SYCP2L: variants seen among roughly 807,000 people sequenced by gnomAD.
SYCP2L encodes the protein synaptonemal complex protein 2-like.
A neutral mutation model predicts 125.8 loss-of-function variants in SYCP2L; 98 were observed. The observed-to-expected ratio is 0.78, with a 90% confidence interval of 0.66 to 0.92. The LOEUF (loss-of-function observed/expected upper bound fraction) is 0.92. Among genes scored for constraint, SYCP2L ranks in the 40% least tolerant of loss-of-function variants. The pLI, the probability that SYCP2L is intolerant of heterozygous loss-of-function variation, is 0.00. For missense variants in SYCP2L, 842 were observed against 936.4 expected (o/e 0.90, Z 1.32); for synonymous variants, 317 against 325.4 (o/e 0.97, Z 0.28).
At chr6:10,952,822 C>T (rs967105541) in intron 23 of SYCP2L, among the ~76,000 whole-genome samples, 1 of 152,050 alleles carries the variant, frequency 6.6e-6, no homozygotes, top group African/African-American at 2.4e-5. Context: ...AATCTTTGCC[C>T]TTGAAATGAC....
intron 26 of SYCP2L, 32 bp downstream of exon 26, chr6:10,958,907 A>C: frequency 1.3e-6 from 2 of 1,588,226 alleles, no homozygotes; most frequent in South Asian, 2.2e-5. Context: ...AAGGTCGTGG[A>C]AGTGTGATCA....
intron 23 of SYCP2L, among the ~76,000 whole-genome samples, chr6:10,946,333 T>C (rs1473201882): frequency 2.0e-5 from 3 of 152,136 alleles, no homozygotes; most frequent in Non-Finnish European, 4.4e-5. Context: ...TACTTTTCCA[T>C]AACGTGTAAA....
At chr6:10,889,706 C>T (rs1007934938) in intron 1 of SYCP2L, among the ~76,000 whole-genome samples, 17 of 151,230 alleles carry the variant, frequency 1.1e-4, no homozygotes, top group African/African-American at 2.2e-4. Context: ...TTGCAACCTC[C>T]GCGTCCCGGG....
chr6:10,947,667 C>T (rs75547558), intron 23 of SYCP2L, among the ~76,000 whole-genome samples: 3,211 of 152,050 alleles, frequency 0.021, 146 homozygotes, highest in East Asian at 0.2. Context: ...CTTAGTTATC[C>T]TAAGTAGATG....
chr6:10,891,644 T>TATATGA, intron 2 of SYCP2L, 63 bp downstream of exon 2: 19 of 899,520 alleles, frequency 2.1e-5, no homozygotes, highest in Admixed American at 4.3e-5. Flanking sequence ...TGTGTGTGTG[T>TATATGA]GTGTGTGTGT....
intron 25 of SYCP2L, among the ~76,000 whole-genome samples, chr6:10,956,807 T>C (rs1410245905): frequency 6.6e-6 from 1 of 151,996 alleles, no homozygotes; most frequent in Non-Finnish European, 1.5e-5. Flanking sequence ...ATCATGTGTA[T>C]ACCTTGAATA....
intron 14 of SYCP2L, among the ~76,000 whole-genome samples, chr6:10,918,847 C>T: frequency 6.6e-6 from 1 of 152,086 alleles, no homozygotes; most frequent in East Asian, 1.9e-4. Context: ...TTTCTTTCTT[C>T]CACTTGTTCG....
At chr6:10,958,963 G>A in intron 26 of SYCP2L, 88 bp downstream of exon 26, 1 of 1,132,252 alleles carries the variant, frequency 8.8e-7, no homozygotes. Context: ...AGGGCCCTGA[G>A]GAGTTGGGGC....
Position 10,926,337 on chromosome 6 carries a change from A to G in SYCP2L, c.1219-2A>G, listed in dbSNP as rs1297166875. On this transcript the variant is annotated splice_acceptor_variant, in intron 15 of 29. Coordinates refer to ENST00000283141, the MANE Select transcript of SYCP2L (RefSeq NM_001040274.3). LOFTEE classifies it high-confidence loss of function. ...AAAGTTGACCTTTGTCTTGCATTTC[A>G]GATGTTGCCTGACCAGACGAAAATC... The G allele has an allele frequency of 6.2e-7, 1 of 1,609,674 alleles. No homozygotes were observed. The highest frequency in any genetic ancestry group is 1.1e-5 in the South Asian group (1 of 90,536).
At chr6:10,942,187 A>G (rs1781236647) in intron 21 of SYCP2L, among the ~76,000 whole-genome samples, 1 of 151,424 alleles carries the variant, frequency 6.6e-6, no homozygotes, top group Admixed American at 6.6e-5. Context: ...TAAGAGATAT[A>G]TCTAATGTTA....
chr6:10,902,116 C>T (rs1780386560), intron 6 of SYCP2L, among the ~76,000 whole-genome samples: 1 of 152,206 alleles, frequency 6.6e-6, no homozygotes, highest in African/African-American at 2.4e-5. Context: ...TCTAGATTTA[C>T]CCCTGGAACT....
rs771876505 is a variant in SYCP2L at position 10,902,781 on chromosome 6, A to C, written c.552+19A>C. 6 of 1,613,440 alleles carry C rather than the reference A, an allele frequency of 3.7e-6. No homozygotes were observed. Among genetic ancestry groups the C allele is most frequent in the Non-Finnish European group, 4.2e-6 (5 of 1,179,404 alleles). On this transcript the variant is annotated intron_variant, in intron 7 of 29. Transcript: ENST00000283141. ...ACAGGAGGTGAGTTGCAAGTAACAA[A>C]ACAGGTAATAGTGGTTCCAGAAACC...
chr6:10,898,722 A>G (rs1780326795), intron 5 of SYCP2L, 102 bp from the exon 6 acceptor site: 1 of 827,100 alleles, frequency 1.2e-6, no homozygotes, highest in South Asian at 1.4e-5. Flanking sequence ...TGTAAAGTCA[A>G]TGCCTGCCTG....
At chr6:10,969,969 G>A (rs1781744037) in intron 29 of SYCP2L, among the ~76,000 whole-genome samples, 1 of 152,088 alleles carries the variant, frequency 6.6e-6, no homozygotes, top group Non-Finnish European at 1.5e-5. Flanking sequence ...TAGGTGCCAG[G>A]GACTGTCTTA....
At chr6:10,905,142 CAAAAAA>C (rs34659978) in intron 8 of SYCP2L, among the ~76,000 whole-genome samples, 2 of 54,648 alleles carry the variant, frequency 3.7e-5, no homozygotes, top group African/African-American at 7.2e-5. Context: ...GACTTGGTCT[CAAAAAA>C]AAAAAAAAAA....
chr6:10,957,700 C>G (rs7745613), intron 25 of SYCP2L, among the ~76,000 whole-genome samples: 55,200 of 152,016 alleles, frequency 0.36, 10,235 homozygotes, highest in African/African-American at 0.45. Flanking sequence ...ACATGTAGTC[C>G]CAGCTACTCA....
intron 4 of SYCP2L, 25 bp downstream of exon 4, chr6:10,894,229 A>G (rs201393606): frequency 4.3e-6 from 7 of 1,609,568 alleles, no homozygotes; most frequent in East Asian, 2.2e-5. Context: ...TTAATTTTAT[A>G]TGGCTTTGGG....
chr6:10,927,522 T>G (rs967756629), intron 17 of SYCP2L, among the ~76,000 whole-genome samples, 155 bp downstream of exon 17: 9 of 152,106 alleles, frequency 5.9e-5, no homozygotes. Flanking sequence ...CAGCAAGTTT[T>G]TATTAGGGAT....
At position 10,961,375 on chromosome 6, in the gene SYCP2L, G is replaced by A. The variant is rs761652150; in HGVS notation, c.2326G>A (p.Ala776Thr). Residue 776 changes from alanine (A) to threonine (T), a missense_variant, in exon 27 of 30, where the codon GCC becomes ACC. Transcript: ENST00000283141. ...ELSSLKQDIQ[A>T]LEHLEKEVLE... The stretch of plus-strand genomic sequence containing the variant: ...GAGCAGTCTTAAGCAGGATATTCAG[G>A]CCCTGGAACACCTTGAGAAGGAGGT... 9 of 1,614,002 alleles carry A rather than the reference G, an allele frequency of 5.6e-6. No individual in the cohort carries two copies. The highest frequency in any genetic ancestry group is 7.6e-6 in the Non-Finnish European group (9 of 1,180,014).
Sources: allele counts gnomAD v4.1 joint callset (sites outside exome capture counted in the v4.1 genomes callset), GRCh38; gene constraint gnomAD v4.1.1; transcripts MANE v1.5; gene names NCBI Gene and HGNC (gene_info 2026-07-23, HGNC 2026-07-21).